Variants in JAKMIP1 observed in about 807,000 individuals in gnomAD.
The protein encoded by JAKMIP1 is janus kinase and microtubule interacting protein 1.
Under a neutral mutation model 113.0 loss-of-function variants are expected in JAKMIP1, and 33 were observed. The ratio of observed to expected loss-of-function variants is 0.29; its 90% confidence interval spans 0.22 to 0.39. The LOEUF (loss-of-function observed/expected upper bound fraction) is 0.39, where lower values mean the gene tolerates loss of function less well. JAKMIP1 is among the 10% of genes least tolerant of loss of function. The pLI, the probability that JAKMIP1 is intolerant of heterozygous loss-of-function variation, is 1.00. For missense variants in JAKMIP1, 813 were observed against 1,080.5 expected (o/e 0.75, Z 3.47); for synonymous variants, 480 against 459.9 (o/e 1.04, Z -0.56).
At chr4:6,070,176 T>C (rs1280103934) in intron 8 of JAKMIP1, 4 of 398,510 alleles carry the variant, frequency 1.0e-5, no homozygotes, top group African/African-American at 2.1e-5. Context: ...GGCGTGAAGC[T>C]GCAGACACAC....
Position 6,081,124 on chromosome 4 carries a change from T to C in JAKMIP1, c.1101+485A>G, listed in dbSNP as rs777137112. 9.0e-4 allele frequency among the ~76,000 whole-genome samples: 137 copies of C among 152,204 alleles called. No homozygotes were observed. The highest frequency in any genetic ancestry group is 1.8e-3 in the Admixed American group (28 of 15,282). ...CTCTGAACAATGAACCTGAAATCAT[T>C]CTGTAAACTGTCAACTACAAGACGC... is the stretch of plus-strand genomic sequence containing the variant. On this transcript the variant is annotated intron_variant, in intron 6 of 20. Transcript: ENST00000409021. This position sits in a 1 kb window ranked among gnomAD's most constrained non-coding sequence, Gnocchi z 4.6.
chr4:6,134,430 C>T (rs1189076892), intron 1 of JAKMIP1, among the ~76,000 whole-genome samples: 5 of 152,180 alleles, frequency 3.3e-5, no homozygotes, highest in Non-Finnish European at 7.3e-5. Context: ...ATGCTCTCTT[C>T]TTGAAATGCC....
intron 1 of JAKMIP1, among the ~76,000 whole-genome samples, chr4:6,115,252 T>C (rs990060918): frequency 1.1e-4 from 16 of 152,044 alleles, no homozygotes; most frequent in African/African-American, 3.6e-4. Flanking sequence ...CTACTTAAAA[T>C]ACAAAAAATT....
chr4:6,073,155 C>A lies in JAKMIP1; in HGVS notation c.1302+5784G>T, dbSNP rs561811894. ...GTACAACCAGCTGCCAGTGTCTGTCCTTCCCTCCAGCAGGCAGCAGGCTTG... is the reference window on the plus strand; with the variant it reads ...GTACAACCAGCTGCCAGTGTCTGTCATTCCCTCCAGCAGGCAGCAGGCTTG... On this transcript the variant is annotated intron_variant, in intron 8 of 20. Transcript: ENST00000409021. 1.2e-4 allele frequency among the ~76,000 whole-genome samples: 18 copies of A among 151,904 alleles called. 1 individual carries two copies. In the South Asian group the frequency reaches 3.8e-3, roughly 32 times the overall value.
intron 5 of JAKMIP1, among the ~76,000 whole-genome samples, chr4:6,082,379 C>A (rs548382682): frequency 5.9e-5 from 9 of 151,494 alleles, no homozygotes; most frequent in Admixed American, 2.6e-4. Context: ...ACCGCCCCCC[C>A]AAAAAAATGC....
rs1711782913 is a variant in JAKMIP1 at position 6,026,282 on chromosome 4, T to C, written c.2446-4A>G. ...AAAACAAAAAAAGGAACAAAAACTA[T>C]AAAATAATACCAAAAGAAAATGAGG... On this transcript the variant is annotated splice_polypyrimidine_tract_variant and splice_region_variant and intron_variant, in intron 20 of 20. Transcript: ENST00000409021. 1.5e-6 allele frequency: 2 copies of C among 1,303,176 alleles called. No individual in the cohort carries two copies. Among genetic ancestry groups the C allele is most frequent in the Admixed American group, 2.1e-5 (1 of 48,592 alleles). 80.7% of individuals were successfully genotyped at this position (1,303,176 alleles called of 1,614,324 possible). A position where few individuals can be genotyped will look rare whatever the true frequency, so the allele number is the denominator to read the frequency against.
intron 1 of JAKMIP1, among the ~76,000 whole-genome samples, chr4:6,198,363 T>C (rs187870136): frequency 3.4e-4 from 52 of 151,752 alleles, no homozygotes; most frequent in Middle Eastern, 6.8e-3. Flanking sequence ...TGTGAAGACA[T>C]GTCTACGCAA....
Position 6,157,044 on chromosome 4 carries a change from T to C in JAKMIP1, c.-148+43209A>G, listed in dbSNP as rs1183804291. Among the ~76,000 whole-genome samples the C allele has an allele frequency of 6.6e-6, 1 of 152,184 alleles. No individual in the cohort carries two copies. Among genetic ancestry groups the C allele is most frequent in the African/African-American group, 2.4e-5 (1 of 41,440 alleles). On this transcript the variant is annotated intron_variant, in intron 1 of 20. Coordinates refer to ENST00000409021, the MANE Select transcript of JAKMIP1 (RefSeq NM_001099433.2). This position sits in a 1 kb window ranked among gnomAD's most constrained non-coding sequence, Gnocchi z 4.7. ...GAGGGCTCTAACCTCATGAATGGATTAATGCCATTATTGCCGGAGTGGATT... is the reference window on the plus strand; with the variant it reads ...GAGGGCTCTAACCTCATGAATGGATCAATGCCATTATTGCCGGAGTGGATT...
In JAKMIP1 at chr4:6,105,863, C is replaced by G. The variant is rs759788506; in HGVS notation, c.234G>C (p.Glu78Asp). 4.3e-5 allele frequency: 69 copies of G among 1,612,052 alleles called. No homozygotes were observed. The highest frequency in any genetic ancestry group is 6.8e-6 in the Non-Finnish European group (8 of 1,179,892). ...GCGCCTGCAGCTCCTTGGTCTTCTC[C>G]TCATGCAGCTTGGCCTTGAGCTCCG... is the stretch of plus-strand genomic sequence containing the variant. Reference protein sequence around the residue: ...YISELKAKLHEEKTKELQALR... With the variant: ...YISELKAKLHDEKTKELQALR... Residue 78 changes from glutamate to aspartate, a missense_variant, in exon 3 of 21, where the codon GAG becomes GAC. Glu to Asp is a conservative substitution (Grantham distance 45). Around this residue, in one of 2 missense-constraint regions of JAKMIP1, gnomAD observed 540 missense variants for 653.9 expected, o/e 0.83. Transcript: ENST00000409021.
chr4:6,154,424 C>T lies in JAKMIP1; in HGVS notation c.-147-41427G>A, dbSNP rs1721982226. Reference sequence around the variant, plus strand: ...CCCCTTCCAAGTCCCCATTTCACAACAAGCTAAAAACCGAACAGAAGCCTT... The same window carrying T: ...CCCCTTCCAAGTCCCCATTTCACAATAAGCTAAAAACCGAACAGAAGCCTT... On this transcript the variant is annotated intron_variant, in intron 1 of 20. Transcript: ENST00000409021. This position sits in a 1 kb window ranked among gnomAD's most constrained non-coding sequence, Gnocchi z 4.2. Among the ~76,000 whole-genome samples the T allele has an allele frequency of 6.6e-6, 1 of 151,188 alleles. No individual in the cohort carries two copies. The highest frequency in any genetic ancestry group is 2.1e-4 in the South Asian group (1 of 4,772).
chr4:6,035,284 G>A (rs551611579), intron 19 of JAKMIP1, among the ~76,000 whole-genome samples: 61 of 152,180 alleles, frequency 4.0e-4, no homozygotes, highest in African/African-American at 1.4e-3. Flanking sequence ...GAAAATGGAC[G>A]TCATAGTGCC....
rs149379871 is a variant in JAKMIP1, at chr4:6,067,972, G to A, written c.1303-2964C>T. ...GAGTCTGTTTGTTGCTGTAGCCCAG[G>A]AAGCATCATCAAGTTACACACTTTC... On this transcript the variant is annotated intron_variant, in intron 8 of 20. Transcript: ENST00000409021. This position sits in a 1 kb window ranked among gnomAD's most constrained non-coding sequence, Gnocchi z 4.6. Among the ~76,000 whole-genome samples, 31 of 152,276 alleles carry A rather than the reference G, an allele frequency of 2.0e-4. 1 individual carries two copies. The East Asian group carries it at 6.0e-3, about 29-fold the overall frequency.
chr4:6,170,676 C>G (rs1724468965), intron 1 of JAKMIP1, among the ~76,000 whole-genome samples: 1 of 151,148 alleles, frequency 6.6e-6, no homozygotes, highest in Non-Finnish European at 1.5e-5. Flanking sequence ...CCACCCTTCT[C>G]ACCTCCACTG....
intron 1 of JAKMIP1, among the ~76,000 whole-genome samples, chr4:6,189,853 A>T (rs1727051008): frequency 6.6e-6 from 1 of 152,202 alleles, no homozygotes; most frequent in African/African-American, 2.4e-5. Flanking sequence ...ATCAAAGGGA[A>T]CAGCATGTGC....
In JAKMIP1 at chr4:6,067,341, T is replaced by C. The variant is rs1718247068; in HGVS notation, c.1303-2333A>G. Among the ~76,000 whole-genome samples, 1 of 152,224 alleles carries C rather than the reference T, an allele frequency of 6.6e-6. No homozygotes were observed. The highest frequency in any genetic ancestry group is 6.5e-5 in the Admixed American group (1 of 15,290). The stretch of plus-strand genomic sequence containing the variant: ...CACAGCTGGCATCAGTTGGGCACCA[T>C]GTGGTTACATGCCCCAGATGAGTCT... On this transcript the variant is annotated intron_variant, in intron 8 of 20. Transcript: ENST00000409021. This position sits in a 1 kb window ranked among gnomAD's most constrained non-coding sequence, Gnocchi z 4.6.
chr4:6,125,648 C>G (rs1159526147), intron 1 of JAKMIP1, among the ~76,000 whole-genome samples: 1 of 137,708 alleles, frequency 7.3e-6, no homozygotes, highest in East Asian at 2.3e-4. Flanking sequence ...ACCATACACA[C>G]CATGCAGAAA....
At chr4:6,038,844 C>G (rs887910150) in intron 18 of JAKMIP1, among the ~76,000 whole-genome samples, 2 of 152,210 alleles carry the variant, frequency 1.3e-5, no homozygotes, top group African/African-American at 4.8e-5. Flanking sequence ...CCTGCGTGGC[C>G]AGTTTCCAGA....
In JAKMIP1 at chr4:6,179,777, C is replaced by A. The variant is rs1158581093; in HGVS notation, c.-148+20476G>T. Reference sequence around the variant, plus strand: ...ATGCTGGGTACACCTCATCTCAATCCATCCTCAAAGCCTCCTTGTAAAACA... The same window carrying A: ...ATGCTGGGTACACCTCATCTCAATCAATCCTCAAAGCCTCCTTGTAAAACA... On this transcript the variant is annotated intron_variant, in intron 1 of 20. Transcript: ENST00000409021. This position sits in a 1 kb window ranked among gnomAD's most constrained non-coding sequence, Gnocchi z 4.5. Among the ~76,000 whole-genome samples, 1 of 152,244 alleles carries A rather than the reference C, an allele frequency of 6.6e-6. No homozygotes were observed. Among genetic ancestry groups the A allele is most frequent in the Non-Finnish European group, 1.5e-5 (1 of 68,050 alleles).
intron 9 of JAKMIP1, among the ~76,000 whole-genome samples, chr4:6,062,645 T>C (rs1717468906): frequency 6.6e-6 from 1 of 152,156 alleles, no homozygotes; most frequent in Admixed American, 6.5e-5. Context: ...AACTAGGGCA[T>C]TGGAGGAAAG....
Sources: gnomAD v4.1 joint callset for allele counts (sites outside exome capture counted in the v4.1 genomes callset) on GRCh38, gnomAD v4.1.1 for gene constraint, gnomAD v4.1.1 regional missense constraint, Gnocchi (gnomAD v3.1) non-coding constraint, MANE v1.5 for transcripts, NCBI Gene and HGNC (gene_info 2026-07-23, HGNC 2026-07-21) for gene names.